CHST9: variants seen among roughly 807,000 people sequenced by gnomAD.
CHST9 encodes the protein GalNAc-4-sulfotransferase 2.
Under a neutral mutation model 44.4 loss-of-function variants are expected in CHST9, and 41 were observed. The ratio of observed to expected loss-of-function variants is 0.92; its 90% CI spans 0.72 to 1.20. The LOEUF is 1.20. Ranked by LOEUF, CHST9 falls within the 50% of genes most tolerant of loss-of-function variation. CHST9 has a pLI of 0.00. For missense variants in CHST9, 504 were observed against 516.5 expected (o/e 0.98, Z 0.23); for synonymous variants, 171 against 178.4 (o/e 0.96, Z 0.33).
chr18:27,115,144 G>A (rs1319787371), intron 2 of CHST9, among the ~76,000 whole-genome samples: 1 of 152,096 alleles, frequency 6.6e-6, no homozygotes, highest in Non-Finnish European at 1.5e-5. Context: ...GGCCTCCCTA[G>A]TAATGTGGAA....
At chr18:27,040,015 G>A (rs1193137975) in intron 3 of CHST9, among the ~76,000 whole-genome samples, 6 of 152,124 alleles carry the variant, frequency 3.9e-5, no homozygotes, top group African/African-American at 7.2e-5. Flanking sequence ...GCATTTCGGG[G>A]ACTTTTTGGA....
At chr18:27,007,648 AG>A (rs2057032724) in intron 4 of CHST9, among the ~76,000 whole-genome samples, 1 of 151,870 alleles carries the variant, frequency 6.6e-6, no homozygotes, top group African/African-American at 2.4e-5. Context: ...ACAGTCAGAA[AG>A]GGAAGGGGGA....
At chr18:27,124,901 G>A (rs1424365406) in intron 2 of CHST9, among the ~76,000 whole-genome samples, 1 of 152,190 alleles carries the variant, frequency 6.6e-6, no homozygotes, top group Non-Finnish European at 1.5e-5. Context: ...CTGGCAGAGT[G>A]ATAATAAGCA....
Position 26,916,650 on chromosome 18 carries a change from C to T in CHST9, c.941G>A (p.Arg314Gln), listed in dbSNP as rs201523792. Residue 314 changes from arginine to glutamine, a missense_variant, in exon 6 of 6, where the codon CGA becomes CAA. Coordinates refer to ENST00000618847, the MANE Select transcript of CHST9 (RefSeq NM_031422.6). ...TAATGCTTCTTCACAGGCATTTGGT[C>T]GATATTTCTTGATAATTGCCTTTCC... ...VFGKAIIKKY[R>Q]PNACEEALIN... is the part of the protein sequence containing the mutation. 322 of 1,613,586 alleles carry T rather than the reference C, an allele frequency of 2.0e-4. No homozygotes were observed. Among genetic ancestry groups the T allele is most frequent in the Non-Finnish European group, 2.6e-4 (302 of 1,179,772 alleles).
At chr18:27,053,815 A>C (rs772413016) in intron 2 of CHST9, among the ~76,000 whole-genome samples, 107 of 152,212 alleles carry the variant, frequency 7.0e-4, no homozygotes, top group Non-Finnish European at 1.4e-3. Context: ...GTCCTGTCAC[A>C]CGGCTCCTGC....
chr18:27,090,926 A>C (rs1338709860), intron 2 of CHST9, among the ~76,000 whole-genome samples: 1 of 152,094 alleles, frequency 6.6e-6, no homozygotes, highest in East Asian at 1.9e-4. Flanking sequence ...CTTGCAATGC[A>C]GGCTCTTTTT....
intron 2 of CHST9, among the ~76,000 whole-genome samples, chr18:27,087,865 G>T (rs1273485485): frequency 2.0e-5 from 3 of 152,094 alleles, no homozygotes; most frequent in Non-Finnish European, 2.9e-5. Flanking sequence ...ACACTTGTTG[G>T]TCCTAGACAC....
chr18:27,118,248 C>G (rs970549377), intron 2 of CHST9, among the ~76,000 whole-genome samples: 3 of 152,080 alleles, frequency 2.0e-5, no homozygotes, highest in Non-Finnish European at 4.4e-5. Flanking sequence ...TGTTCATTTT[C>G]TTATTGTTGA....
chr18:27,183,521 A>G (rs991787695), intron 1 of CHST9, among the ~76,000 whole-genome samples: 2 of 152,166 alleles, frequency 1.3e-5, no homozygotes, highest in Non-Finnish European at 2.9e-5. Context: ...ACGGTACTGT[A>G]ATGAAGGGGA....
chr18:27,168,852 G>A (rs2143951167), intron 1 of CHST9, among the ~76,000 whole-genome samples: 1 of 152,284 alleles, frequency 6.6e-6, no homozygotes, highest in East Asian at 1.9e-4. Context: ...TTGAGTCAAT[G>A]TAAAGGGAGA....
intron 2 of CHST9, among the ~76,000 whole-genome samples, chr18:27,122,026 G>C (rs528061125): frequency 2.6e-4 from 39 of 152,154 alleles, no homozygotes; most frequent in Non-Finnish European, 5.1e-4. Context: ...GTGAGAGGCT[G>C]AGGCTGAGGC....
intron 2 of CHST9, among the ~76,000 whole-genome samples, chr18:27,071,530 T>C (rs1258763502): frequency 6.6e-6 from 1 of 152,220 alleles, no homozygotes; most frequent in Non-Finnish European, 1.5e-5. Context: ...ACACTTATAA[T>C]GTGAGATTTA....
intron 2 of CHST9, among the ~76,000 whole-genome samples, chr18:27,048,745 G>C (rs2057533388): frequency 6.6e-6 from 1 of 152,116 alleles, no homozygotes; most frequent in Non-Finnish European, 1.5e-5. Flanking sequence ...AATCTTGTTA[G>C]CCAGAGTCGT....
intron 2 of CHST9, among the ~76,000 whole-genome samples, chr18:27,065,775 T>C (rs1274935742): frequency 6.6e-6 from 1 of 152,224 alleles, no homozygotes; most frequent in Non-Finnish European, 1.5e-5. Flanking sequence ...GGAACCATGA[T>C]AACTACTTTC....
chr18:26,926,764 T>C (rs190006107), intron 5 of CHST9, among the ~76,000 whole-genome samples: 98 of 152,346 alleles, frequency 6.4e-4, no homozygotes, highest in African/African-American at 2.4e-3. Flanking sequence ...TGCAACTTGA[T>C]AAATGAAATA....
intron 3 of CHST9, among the ~76,000 whole-genome samples, chr18:27,031,950 T>C (rs2057345672): frequency 6.6e-6 from 1 of 152,152 alleles, no homozygotes; most frequent in African/African-American, 2.4e-5. Context: ...ACTCATCTGC[T>C]CTTAACCTTA....
intron 2 of CHST9, among the ~76,000 whole-genome samples, chr18:27,100,109 A>C (rs2058156645): frequency 6.6e-6 from 1 of 152,290 alleles, no homozygotes; most frequent in African/African-American, 2.4e-5. Context: ...TCTTTACAGT[A>C]ACACGAGTGC....
intron 5 of CHST9, among the ~76,000 whole-genome samples, chr18:26,927,017 C>A (rs1169125185): frequency 6.6e-6 from 1 of 152,104 alleles, no homozygotes; most frequent in African/African-American, 2.4e-5. Context: ...GCCAGCCTCC[C>A]CTCCCCTTGC....
rs754388478 is a variant in CHST9, at chr18:27,142,726, G to T, written c.84C>A (p.Phe28Leu). The part of the protein sequence containing the change: ...LIFGVAGLLL[F>L]MYLQVWIEEQ... ...CTTCAATCCAGACTTGCAAATACAT[G>T]AAGAGGAGTAGCCCAGCTACTCCAA... The change falls in exon 2 of 6, where the codon TTC becomes TTA. Residue 28 changes from phenylalanine to leucine, a missense_variant. By Grantham distance (22) the Phe-to-Leu change is conservative. Coordinates refer to ENST00000618847, the MANE Select transcript of CHST9 (RefSeq NM_031422.6). 2.5e-6 allele frequency: 4 copies of T among 1,611,038 alleles called. No individual in the cohort carries two copies. Among genetic ancestry groups the T allele is most frequent in the African/African-American group, 1.3e-5 (1 of 74,878 alleles).
Sources: gnomAD v4.1 joint callset for allele counts (sites outside exome capture counted in the v4.1 genomes callset) on GRCh38, gnomAD v4.1.1 for gene constraint, MANE v1.5 for transcripts, NCBI Gene and HGNC (gene_info 2026-07-23, HGNC 2026-07-21) for gene names.